PCDH15: variants seen among roughly 807,000 people sequenced by gnomAD.
PCDH15 encodes the protein protocadherin related 15.
A neutral mutation model predicts 178.5 loss-of-function variants in PCDH15; 129 were observed. That is an observed-to-expected ratio of 0.72 (90% CI 0.63 to 0.84). PCDH15 has a LOEUF of 0.84. PCDH15 is among the 40% of genes least tolerant of loss of function. The pLI is 0.00. For synonymous variants in PCDH15, 800 were observed against 732.0 expected, an observed-to-expected ratio of 1.09 and a Z score of -1.50; for missense variants, 2,230 against 2,099.9, an observed-to-expected ratio of 1.06 and a Z score of -1.21.
chr10:54,113,211 A>G (rs577859459), intron 15 of PCDH15, among the ~76,000 whole-genome samples: 1 of 152,338 alleles, frequency 6.6e-6, no homozygotes, highest in South Asian at 2.1e-4. Flanking sequence ...GCATTTGTAT[A>G]ATAGTGTACA....
At chr10:55,066,959 T>C (rs944717547) in intron 2 of PCDH15, among the ~76,000 whole-genome samples, 1 of 151,922 alleles carries the variant, frequency 6.6e-6, no homozygotes, top group African/African-American at 2.4e-5. Flanking sequence ...AGCTGTTGTA[T>C]ACCCCAAGTG....
At chr10:55,400,996 C>G (rs928470212) in intron 2 of PCDH15, among the ~76,000 whole-genome samples, 6 of 152,070 alleles carry the variant, frequency 3.9e-5, no homozygotes, top group Admixed American at 2.6e-4. Flanking sequence ...TACTGAAGCA[C>G]TAAAAATCAA....
At chr10:55,103,464 T>G (rs1017184621) in intron 2 of PCDH15, among the ~76,000 whole-genome samples, 4 of 152,184 alleles carry the variant, frequency 2.6e-5, no homozygotes, top group African/African-American at 9.6e-5. Context: ...CATGATGTTT[T>G]TTGTTATATC....
chr10:54,748,590 A>T (rs78922469), intron 1 of PCDH15, among the ~76,000 whole-genome samples: 2,819 of 152,328 alleles, frequency 0.019, 84 homozygotes, highest in African/African-American at 0.062. Flanking sequence ...TCTAATAAAG[A>T]TAAAGCACCA....
At chr10:54,078,418 T>C (rs2094380070) in intron 17 of PCDH15, among the ~76,000 whole-genome samples, 1 of 152,022 alleles carries the variant, frequency 6.6e-6, no homozygotes, top group East Asian at 1.9e-4. Context: ...CAATAATAAA[T>C]ACATTATTAT....
At chr10:55,603,716 G>C (rs1221888869) in intron 2 of PCDH15, among the ~76,000 whole-genome samples, 1 of 148,392 alleles carries the variant, frequency 6.7e-6, no homozygotes, top group African/African-American at 2.5e-5. Flanking sequence ...TCACCACCAG[G>C]CCTGCCCTAA....
intron 3 of PCDH15, among the ~76,000 whole-genome samples, chr10:54,894,185 A>G (rs1954511147): frequency 6.6e-6 from 1 of 152,124 alleles, no homozygotes; most frequent in Non-Finnish European, 1.5e-5. Context: ...GAGAGACAAC[A>G]CTAATACAAT....
At position 53,827,524 on chromosome 10, in the gene PCDH15, A is replaced by G. The variant is rs758479019; in HGVS notation, c.4236T>C (p.Thr1412=). 21 of 1,614,140 alleles carry G rather than the reference A, an allele frequency of 1.3e-5. No individual in the cohort carries two copies. The highest frequency in any genetic ancestry group is 1.6e-5 in the Non-Finnish European group (19 of 1,179,978). ...CGGGTAATGCGGCCTGAATTCGTGCAGTCTTTGTACACTCAGCTTGACGTC... is the reference window on the plus strand; with the variant it reads ...CGGGTAATGCGGCCTGAATTCGTGCGGTCTTTGTACACTCAGCTTGACGTC... ...FKVRQAECTK[T]ARIQAALPAA... is the part of the protein sequence containing the mutation. Residue 1412 remains threonine, a synonymous_variant, in exon 32 of 38, where the codon ACT becomes ACC. Transcript: ENST00000644397.
At chr10:55,114,791 A>C (rs956687623) in intron 2 of PCDH15, among the ~76,000 whole-genome samples, 2 of 152,180 alleles carry the variant, frequency 1.3e-5, no homozygotes, top group African/African-American at 4.8e-5. Flanking sequence ...CATGCTCTGT[A>C]CTATCCATCT....
Position 54,406,515 on chromosome 10 carries a change from T to C in PCDH15, c.158-27573A>G, listed in dbSNP as rs142658645. Among the ~76,000 whole-genome samples the C allele has an allele frequency of 6.8e-3, 1,034 of 152,196 alleles. 13 individuals carry two copies. Among genetic ancestry groups the C allele is most frequent in the African/African-American group, 0.022 (903 of 41,522 alleles). The stretch of plus-strand genomic sequence containing the variant: ...CTTTTTCTACCTCTTATTTTGACAA[T>C]ACTTTAAAGATGCCAAAATTGTTAT... On this transcript the variant is annotated intron_variant, in intron 3 of 37. Coordinates refer to ENST00000644397, the MANE Select transcript of PCDH15 (RefSeq NM_001384140.1).
At chr10:55,192,421 A>G (rs1839968583) in intron 1 of PCDH15, among the ~76,000 whole-genome samples, 1 of 151,910 alleles carries the variant, frequency 6.6e-6, no homozygotes, top group African/African-American at 2.4e-5. Context: ...TCTCTCTCTG[A>G]ATAGATATTC....
chr10:54,460,548 A>G (rs576583642), intron 3 of PCDH15, among the ~76,000 whole-genome samples: 18 of 152,220 alleles, frequency 1.2e-4, no homozygotes, highest in African/African-American at 4.3e-4. Flanking sequence ...AGAAATAAGC[A>G]AGTAAAACAT....
intron 2 of PCDH15, among the ~76,000 whole-genome samples, chr10:55,377,506 A>G (rs1837427051): frequency 1.3e-5 from 2 of 151,940 alleles, no homozygotes; most frequent in African/African-American, 4.8e-5. Context: ...TATTTTTTAT[A>G]TTTAGTAAAA....
chr10:54,999,987 A>G (rs1050869313), intron 2 of PCDH15, among the ~76,000 whole-genome samples: 7 of 152,182 alleles, frequency 4.6e-5, no homozygotes, highest in Non-Finnish European at 8.8e-5. Context: ...AGGTAATAAG[A>G]TATCACAAGG....
chr10:53,971,862 C>T (rs749376294), intron 21 of PCDH15, among the ~76,000 whole-genome samples: 22 of 152,116 alleles, frequency 1.4e-4, no homozygotes, highest in Non-Finnish European at 2.2e-4. Flanking sequence ...GGTCATACTG[C>T]CCAAGGTAAT....
At chr10:55,370,373 C>A (rs983457848) in intron 2 of PCDH15, among the ~76,000 whole-genome samples, 8 of 152,114 alleles carry the variant, frequency 5.3e-5, no homozygotes, top group African/African-American at 1.9e-4. Context: ...TTGACTAGGG[C>A]TAATACACTT....
chr10:55,537,830 T>G (rs1282564182), intron 2 of PCDH15, among the ~76,000 whole-genome samples: 1 of 152,238 alleles, frequency 6.6e-6, no homozygotes, highest in Non-Finnish European at 1.5e-5. Context: ...TCAGAGATTT[T>G]ACACCTGTGA....
intron 1 of PCDH15, among the ~76,000 whole-genome samples, chr10:54,709,080 C>G (rs968629782): frequency 2.0e-5 from 3 of 152,026 alleles, no homozygotes; most frequent in Admixed American, 2.0e-4. Context: ...GCTTTAAATT[C>G]TTACCACCAC....
intron 29 of PCDH15, among the ~76,000 whole-genome samples, chr10:53,834,376 C>T (rs756698639): frequency 1.3e-5 from 2 of 151,986 alleles, no homozygotes; most frequent in African/African-American, 2.4e-5. Flanking sequence ...TATATTCTCC[C>T]TCTGGGTCAT....
Sources: gnomAD v4.1 joint callset for allele counts (sites outside exome capture counted in the v4.1 genomes callset) on GRCh38, gnomAD v4.1.1 for gene constraint, MANE v1.5 for transcripts, NCBI Gene and HGNC (gene_info 2026-07-23, HGNC 2026-07-21) for gene names.